The following PPOX variants were observed in gnomAD, a reference collection of about 807,000 sequenced individuals.
PPOX encodes the protein protoporphyrinogen oxidase, also known as variegate porphyria.
Under a neutral mutation model 54.1 loss-of-function variants are expected in PPOX, and 23 were observed. The observed-to-expected ratio is 0.43, with a 90% CI of 0.31 to 0.60. PPOX has a LOEUF of 0.60. Ranked by LOEUF, PPOX falls within the 20% of genes least tolerant of loss-of-function variation. The pLI is 0.13. For missense variants in PPOX, 512 were observed against 601.1 expected, an observed-to-expected ratio of 0.85 and a Z score of 1.55; for synonymous variants, 224 against 236.1, an observed-to-expected ratio of 0.95 and a Z score of 0.47.
chr1:161,166,904 C>G lies in PPOX; in HGVS notation c.57C>G (p.Tyr19Ter). Residue 19 changes from tyrosine to a stop codon, truncating the protein, a stop_gained, in exon 2 of 13, where the codon TAC becomes TAG. Coordinates refer to ENST00000367999, the MANE Select transcript of PPOX (RefSeq NM_001122764.3). LOFTEE classifies it high-confidence loss of function. The part of the protein sequence containing the change: ...GGGISGLAAS[Y>*]HLSRAPCPPK... ...GCATCAGCGGCTTGGCCGCCAGTTA[C>G]CACCTGAGCCGGGCCCCCTGCCCCC... 6.2e-7 allele frequency: 1 copy of G among 1,613,870 alleles called. No homozygotes were observed. The highest frequency in any genetic ancestry group is 8.5e-7 in the Non-Finnish European group (1 of 1,180,022).
chr1:161,173,714 G>A (rs1571477768), downstream of PPOX: 2 of 1,614,138 alleles, frequency 1.2e-6, no homozygotes, highest in Non-Finnish European at 1.7e-6. Flanking sequence ...CCGAAGTACT[G>A]GGGGTACGGG....
At chr1:161,175,273 G>A (rs1663078251), downstream of PPOX, 1 of 1,551,156 alleles carries the variant, frequency 6.4e-7, no homozygotes, top group Non-Finnish European at 8.9e-7. Flanking sequence ...GGGGCAAAGA[G>A]AAAAGAATCA....
chr1:161,166,052 C>T (rs551423635), upstream of PPOX: 37 of 974,852 alleles, frequency 3.8e-5, 1 homozygote, highest in East Asian at 2.4e-3. Context: ...CTGTTGCTAA[C>T]ATCAAGGAGC....
downstream of PPOX, among the ~76,000 whole-genome samples, chr1:161,172,780 C>A (rs1168670712): frequency 6.6e-6 from 1 of 150,874 alleles, no homozygotes; most frequent in African/African-American, 2.4e-5. Context: ...GCAATCCTAG[C>A]ACTTTTGGAT....
At chr1:161,176,875 G>C (rs1441709760) in exon 5 of PPOX, 2 of 1,535,938 alleles carry the variant, frequency 1.3e-6, no homozygotes, top group Admixed American at 2.0e-5. Context: ...AGTGGCGACA[G>C]AGTCATGACA....
intron 5 of PPOX, 55 bp downstream of exon 5, chr1:161,168,182 T>TA: frequency 6.2e-7 from 1 of 1,613,428 alleles, no homozygotes; most frequent in Non-Finnish European, 8.5e-7. Context: ...GCTGCAGAGC[T>TA]CCCTGTTCAA....
chr1:161,171,669 C>A, downstream of PPOX: 1 of 1,161,494 alleles, frequency 8.6e-7, no homozygotes, highest in Non-Finnish European at 1.2e-6. Context: ...AGCTCCAGTC[C>A]AGCAGTGAGG....
At chr1:161,175,733 T>C (rs1663253426), downstream of PPOX, 2 of 1,570,654 alleles carry the variant, frequency 1.3e-6, no homozygotes. Context: ...TGCCACTCCA[T>C]GCCTCCCTAT....
chr1:161,174,216 G>C (rs1280609006), downstream of PPOX, among the ~76,000 whole-genome samples: 3 of 152,202 alleles, frequency 2.0e-5, no homozygotes, highest in Middle Eastern at 6.8e-3. Context: ...GACCACCCTG[G>C]CTAACACGGT....
In PPOX at chr1:161,168,090, C is replaced by T. The variant is rs1477880740; in HGVS notation, c.434C>T (p.Thr145Ile). ...TKPRGKEPDE[T>I]VHSFAQRRLG... is the part of the protein sequence containing the mutation. ...CCCCGGGGCAAAGAGCCTGATGAGA[C>T]TGTGCACAGTTTTGCCCAGCGCCGC... The change falls in exon 5 of 13, where the codon ACT becomes ATT. Residue 145 changes from threonine (T) to isoleucine (I), a missense_variant. Coordinates refer to ENST00000367999, the MANE Select transcript of PPOX (RefSeq NM_001122764.3). The T allele has an allele frequency of 6.2e-7, 1 of 1,614,074 alleles. No individual in the cohort carries two copies. The highest frequency in any genetic ancestry group is 2.2e-5 in the East Asian group (1 of 44,886).
In PPOX at chr1:161,170,754, G is replaced by A. The variant is rs1168514755; in HGVS notation, c.1233G>A (p.Leu411=). ...TGAAGGAGATGCCGAGCCACTGCTT[G>A]GTCCATCTACACAAGGTAAGTTGGG... is the stretch of plus-strand genomic sequence containing the variant. ...LGLKEMPSHC[L]VHLHKNCIPQ... The change falls in exon 11 of 13, where the codon TTG becomes TTA. Residue 411 remains leucine, a synonymous_variant. Coordinates refer to ENST00000367999, the MANE Select transcript of PPOX (RefSeq NM_001122764.3). 6.2e-7 allele frequency: 1 copy of A among 1,612,132 alleles called. No individual in the cohort carries two copies. The highest frequency in any genetic ancestry group is 1.3e-5 in the African/African-American group (1 of 74,180).
downstream of PPOX, chr1:161,171,296 A>G (rs35587044): frequency 8.9e-3 from 13,549 of 1,528,128 alleles, 78 homozygotes; most frequent in Non-Finnish European, 0.011. Context: ...TGGGATGCAG[A>G]AAGCAGGAGC....
chr1:161,176,689 AGAG>A lies in PPOX; in HGVS notation c.373-153_373-151del, dbSNP rs1205404732. ...AGTGAAGGAAAGTGGTTGGAAAGGA[AGAG>A]GAGGAGCAGGAGATGGTAGGTCCCT... On this transcript the variant is annotated intron_variant, in intron 4 of 4. Transcript: ENST00000497522. 1.1e-5 allele frequency: 7 copies of A among 619,104 alleles called. No individual in the cohort carries two copies. In the Admixed American group the frequency reaches 1.4e-4, roughly 13 times the overall value. 38.4% of individuals were successfully genotyped at this position (619,104 alleles called of 1,614,324 possible).
At chr1:161,174,816 A>G, downstream of PPOX, 1 of 650,790 alleles carries the variant, frequency 1.5e-6, no homozygotes, top group South Asian at 2.0e-5. Flanking sequence ...TAAGCAGATT[A>G]AGGAAAAGTA....
chr1:161,168,403 C>A, intron 5 of PPOX, 29 bp from the exon 6 acceptor site: 3 of 1,610,616 alleles, frequency 1.9e-6, no homozygotes, highest in South Asian at 1.1e-5. Context: ...ATTATTTTTT[C>A]GCTCCTTAGT....
chr1:161,170,572 T>G (rs1558037142), intron 10 of PPOX, 48 bp from the exon 11 acceptor site: 1 of 1,614,162 alleles, frequency 6.2e-7, no homozygotes. Context: ...TCCTCTGTGC[T>G]CCATTGTAGG....
At chr1:161,170,320 G>GGGGGGGGGGCCCCC in intron 9 of PPOX, 89 bp from the exon 10 acceptor site, 8 of 494,772 alleles carry the variant, frequency 1.6e-5, no homozygotes, top group East Asian at 1.1e-4. Flanking sequence ...GTGAGACTCT[G>GGGGGGGGGGCCCCC]TCCCCCCCAC....
chr1:161,175,287 T>A, downstream of PPOX: 1 of 1,487,904 alleles, frequency 6.7e-7, no homozygotes, highest in Non-Finnish European at 9.3e-7. Context: ...AGAATCAAAC[T>A]AGGGTTTGGG....
At chr1:161,172,492 A>T (rs1338111129), downstream of PPOX, 1 of 640,964 alleles carries the variant, frequency 1.6e-6, no homozygotes, top group Non-Finnish European at 2.6e-6. Context: ...ATGGCTGAAG[A>T]GAATATAAAA....
Sources: allele counts gnomAD v4.1 joint callset (sites outside exome capture counted in the v4.1 genomes callset), GRCh38; gene constraint gnomAD v4.1.1; transcripts MANE v1.5; gene names NCBI Gene and HGNC (gene_info 2026-07-23, HGNC 2026-07-21).